Variants in SH3GLB2 observed in about 807,000 individuals in gnomAD.
The protein encoded by SH3GLB2 is endophilin-B2.
Under a neutral mutation model 48.0 loss-of-function variants are expected in SH3GLB2, and 24 were observed. That is an observed-to-expected ratio of 0.50 (90% confidence interval 0.36 to 0.70). The LOEUF (loss-of-function observed/expected upper bound fraction) is 0.70, where lower values mean the gene tolerates loss of function less well. Among genes scored for constraint, SH3GLB2 ranks in the 30% least tolerant of loss-of-function variants. The probability of loss-of-function intolerance (pLI) is 0.00; values close to 1 mark genes in which losing one functional copy is unlikely to be tolerated. For synonymous variants in SH3GLB2, 227 were observed against 207.6 expected, an observed-to-expected ratio of 1.09 and a Z score of -0.80; for missense variants, 425 against 516.0, an observed-to-expected ratio of 0.82 and a Z score of 1.71.
rs1360318456 is a variant in SH3GLB2, at chr9:129,028,231, C to G, written c.-77G>C. 8.0e-5 allele frequency: 79 copies of G among 990,648 alleles called. No homozygotes were observed. The highest frequency in any genetic ancestry group is 9.0e-5 in the Non-Finnish European group (73 of 812,680). 61.4% of individuals were successfully genotyped at this position (990,648 alleles called of 1,614,324 possible). ...GGCCCAGCCGCCGCCGCCAACCGCA[C>G]CCCGCCCACCTGCTGCGGGGCACCA... On this transcript the variant is annotated 5_prime_UTR_variant, in exon 1 of 11. Coordinates refer to ENST00000372564, the MANE Select transcript of SH3GLB2 (RefSeq NM_020145.4).
intron 2 of SH3GLB2, 105 bp downstream of exon 2, chr9:129,022,177 C>A: frequency 6.7e-7 from 1 of 1,488,314 alleles, no homozygotes; most frequent in South Asian, 1.3e-5. Context: ...TAGCTGAAAC[C>A]CCGGCTGCAG....
At chr9:129,009,932 TC>T (rs1222376798) in intron 8 of SH3GLB2, 61 bp from the exon 9 acceptor site, 4 of 1,511,190 alleles carry the variant, frequency 2.6e-6, no homozygotes, top group Non-Finnish European at 3.6e-6. Context: ...AAAAATTCCG[TC>T]CCCATCCCCG....
intron 10 of SH3GLB2, 97 bp from the exon 11 acceptor site, chr9:129,008,888 G>A (rs182738604): frequency 5.8e-5 from 76 of 1,320,572 alleles, no homozygotes; most frequent in Admixed American, 7.7e-5. Context: ...CCCATGGCCC[G>A]TGGCATGTGC....
At position 129,014,264 on chromosome 9, in the gene SH3GLB2, G is replaced by GGCTCAGCCCAGCAGC; in HGVS notation, c.561+132_561+146dup. ...GCTCCCTTGAGGGCAGGGACAGAGA[G>GGCTCAGCCCAGCAGC]GCTCAGCCCAGCAGCCCCCAGCCAG... On this transcript the variant is annotated intron_variant, in intron 5 of 10. Transcript: ENST00000372564. This position sits in a 1 kb window ranked among gnomAD's most constrained non-coding sequence, Gnocchi z 4.1. 1 of 741,910 alleles carries GGCTCAGCCCAGCAGC rather than the reference G, an allele frequency of 1.3e-6. No homozygotes were observed. Among genetic ancestry groups the GGCTCAGCCCAGCAGC allele is most frequent in the Non-Finnish European group, 2.2e-6 (1 of 448,036 alleles). 46.0% of individuals were successfully genotyped at this position (741,910 alleles called of 1,614,324 possible).
At position 129,023,611 on chromosome 9, in the gene SH3GLB2, AG is replaced by A. The variant is rs1381950428; in HGVS notation, c.64-1189del. Among the ~76,000 whole-genome samples, 3 of 151,948 alleles carry A rather than the reference AG, an allele frequency of 2.0e-5. No homozygotes were observed. In the East Asian group the frequency reaches 5.8e-4, roughly 29 times the overall value. On this transcript the variant is annotated intron_variant, in intron 1 of 10. Coordinates refer to ENST00000372564, the MANE Select transcript of SH3GLB2 (RefSeq NM_020145.4). The stretch of plus-strand genomic sequence containing the variant: ...CAGATGCTGCCACTGAGGCTGAGCA[AG>A]GGGCAGGGCCACGCAGGAGTCGGTC...
intron 1 of SH3GLB2, among the ~76,000 whole-genome samples, chr9:129,023,681 G>T (rs749759488): frequency 6.6e-6 from 1 of 152,178 alleles, no homozygotes; most frequent in Non-Finnish European, 1.5e-5. Flanking sequence ...AGCTGCGGTG[G>T]GGGGTGGCGG....
chr9:129,014,113 GAGGGC>G lies in SH3GLB2; in HGVS notation c.561+293_561+297del, dbSNP rs1843284430. On this transcript the variant is annotated intron_variant, in intron 5 of 10. Coordinates refer to ENST00000372564, the MANE Select transcript of SH3GLB2 (RefSeq NM_020145.4). The surrounding 1 kb of genome is among the most constrained non-coding windows in gnomAD (Gnocchi z 4.1). ...GCCGGGGACAGAGCCGAGCATCTAGGAGGGCAGGGCAGGGCATGCAGGAGACTCCA... is the reference window on the plus strand; with the variant it reads ...GCCGGGGACAGAGCCGAGCATCTAGGAGGGCAGGGCATGCAGGAGACTCCA... 2 of 620,616 alleles carry G rather than the reference GAGGGC, an allele frequency of 3.2e-6. No homozygotes were observed. The highest frequency in any genetic ancestry group is 3.3e-5 in the East Asian group (1 of 29,950). 38.4% of individuals were successfully genotyped at this position (620,616 alleles called of 1,614,324 possible). A position where few individuals can be genotyped will look rare whatever the true frequency, so the allele number is the denominator to read the frequency against.
At chr9:129,017,304 C>A (rs1429575094) in intron 3 of SH3GLB2, among the ~76,000 whole-genome samples, 2 of 151,996 alleles carry the variant, frequency 1.3e-5, no homozygotes, top group Non-Finnish European at 2.9e-5. Flanking sequence ...CAAGGACATA[C>A]AAGCCTTGAA....
At chr9:129,021,793 T>C (rs1224550558) in intron 2 of SH3GLB2, among the ~76,000 whole-genome samples, 1 of 151,852 alleles carries the variant, frequency 6.6e-6, no homozygotes, top group Non-Finnish European at 1.5e-5. Flanking sequence ...ACCCCTTCTC[T>C]ACTAAAAATA....
Position 129,025,652 on chromosome 9 carries a change from A to C in SH3GLB2, c.63+2440T>G, listed in dbSNP as rs564663681. Among the ~76,000 whole-genome samples the C allele has an allele frequency of 5.6e-3, 855 of 151,404 alleles. 11 individuals carry two copies. Among genetic ancestry groups the C allele is most frequent in the East Asian group, 0.04 (205 of 5,138 alleles). ...CAGGCAGGCAGGCAGGCAGGCAGGC[A>C]GGCCTCCCTCACATCCCTCCTCAGC... On this transcript the variant is annotated intron_variant, in intron 1 of 10. Coordinates refer to ENST00000372564, the MANE Select transcript of SH3GLB2 (RefSeq NM_020145.4).
intron 1 of SH3GLB2, among the ~76,000 whole-genome samples, chr9:129,025,898 C>T (rs976747805): frequency 6.6e-6 from 1 of 152,124 alleles, no homozygotes; most frequent in Non-Finnish European, 1.5e-5. Context: ...GCCACCACCT[C>T]TCTGGACTTT....
chr9:129,008,671 TGGG>T lies in SH3GLB2; in HGVS notation c.*10_*12del, dbSNP rs758243713. 4 of 1,607,014 alleles carry T rather than the reference TGGG, an allele frequency of 2.5e-6. No homozygotes were observed. The highest frequency in any genetic ancestry group is 3.4e-6 in the Non-Finnish European group (4 of 1,173,820). On this transcript the variant is annotated 3_prime_UTR_variant, in exon 11 of 11. Transcript: ENST00000372564. ...TGCCTAGGCCAGAATGCGGGGGGGA[TGGG>T]GGCACCTGCCTAGCTGAGCAGTTCC...
Position 129,012,274 on chromosome 9 carries a change from TA to T in SH3GLB2, c.585del (p.Arg196AspfsTer39). The T allele has an allele frequency of 7.7e-7, 1 of 1,304,468 alleles. No individual in the cohort carries two copies. Among genetic ancestry groups the T allele is most frequent in the South Asian group, 3.1e-5 (1 of 32,530 alleles). The allele number at this position is 1,304,468 out of a possible 1,614,324, so 80.8% of individuals were successfully genotyped here. A position where few individuals can be genotyped will look rare whatever the true frequency, so the allele number is the denominator to read the frequency against. On this transcript the variant is annotated frameshift_variant, in exon 6 of 11. Transcript: ENST00000372564. LOFTEE classifies it high-confidence loss of function. ...KATTVPDFQE[T>X]RPRNYILSAS... ...GCCGAGAGAATGTAATTACGAGGTCTAGTCTCCTGAAAGTCAGGCACCGTCT... is the reference window on the plus strand; with the variant it reads ...GCCGAGAGAATGTAATTACGAGGTCTGTCTCCTGAAAGTCAGGCACCGTCT...
At chr9:129,017,737 A>G (rs984938561) in intron 3 of SH3GLB2, among the ~76,000 whole-genome samples, 47 of 149,026 alleles carry the variant, frequency 3.2e-4, no homozygotes, top group African/African-American at 1.1e-3. Context: ...TCTCCACTGA[A>G]AAAAAAAAAA....
chr9:129,019,714 A>G (rs1843664513), intron 3 of SH3GLB2, among the ~76,000 whole-genome samples: 1 of 151,126 alleles, frequency 6.6e-6, no homozygotes. Flanking sequence ...GCCTCAAAAA[A>G]AAAAAAAAAA....
intron 3 of SH3GLB2, among the ~76,000 whole-genome samples, chr9:129,017,170 G>A (rs1158078069): frequency 1.3e-5 from 2 of 151,886 alleles, no homozygotes; most frequent in Non-Finnish European, 2.9e-5. Flanking sequence ...GGCTGGTCTT[G>A]AACTCCTGAC....
At position 129,010,225 on chromosome 9, in the gene SH3GLB2, C is replaced by T; in HGVS notation, c.649-16G>A. 6.2e-7 allele frequency: 1 copy of T among 1,610,544 alleles called. No individual in the cohort carries two copies. The highest frequency in any genetic ancestry group is 1.1e-5 in the South Asian group (1 of 90,982). On this transcript the variant is annotated splice_polypyrimidine_tract_variant and intron_variant, in intron 7 of 10. Transcript: ENST00000372564. ...CCTGCTCGGCCTGGGCAGGGCAGGG[C>T]AGCCATGAGCACCCACACACCACCC...
Position 129,012,303 on chromosome 9 carries a change from CG to C in SH3GLB2, c.562-6del. On this transcript the variant is annotated splice_region_variant and splice_polypyrimidine_tract_variant and intron_variant, in intron 5 of 10. Coordinates refer to ENST00000372564, the MANE Select transcript of SH3GLB2 (RefSeq NM_020145.4). ...CTCCTGAAAGTCAGGCACCGTCTGG[CG>C]GGGAACAGAGTTCATGTGGGGAGGG... is the stretch of plus-strand genomic sequence containing the variant. 1.5e-6 allele frequency: 2 copies of C among 1,298,692 alleles called. No homozygotes were observed. Among genetic ancestry groups the C allele is most frequent in the South Asian group, 3.1e-5 (1 of 32,360 alleles). The allele number at this position is 1,298,692 out of a possible 1,614,324, so 80.4% of individuals were successfully genotyped here.
At chr9:129,009,932 T>A in intron 8 of SH3GLB2, 61 bp from the exon 9 acceptor site, 1 of 1,511,314 alleles carries the variant, frequency 6.6e-7, no homozygotes, top group South Asian at 1.2e-5. Context: ...AAAAATTCCG[T>A]CCCCATCCCC....
Sources: allele counts gnomAD v4.1 joint callset (sites outside exome capture counted in the v4.1 genomes callset), GRCh38; gene constraint gnomAD v4.1.1; non-coding constraint Gnocchi (gnomAD v3.1); transcripts MANE v1.5; gene names NCBI Gene and HGNC (gene_info 2026-07-23, HGNC 2026-07-21).